The following CDK15 variants were observed in gnomAD, a reference collection of about 807,000 sequenced individuals.
CDK15 encodes cyclin-dependent kinase 15.
A neutral mutation model predicts 60.3 loss-of-function variants in CDK15; 62 were observed. The observed-to-expected ratio is 1.03, with a 90% confidence interval of 0.84 to 1.27. The LOEUF is 1.27. CDK15 is among the 50% of genes most tolerant of loss of function. CDK15 has a pLI of 0.00. For missense variants in CDK15, 541 were observed against 527.8 expected (o/e 1.03, Z -0.25); for synonymous variants, 194 against 195.7 (o/e 0.99, Z 0.07).
At chr2:201,871,321 A>AGTT (rs1243570717) in intron 10 of CDK15, among the ~76,000 whole-genome samples, 1 of 151,990 alleles carries the variant, frequency 6.6e-6, no homozygotes, top group African/African-American at 2.4e-5. Flanking sequence ...CACCAGGCTC[A>AGTT]GTTGTTGTTG....
rs560036571 is a variant in CDK15 at position 201,858,914 on chromosome 2, G to T, written c.1009+3977G>T. On this transcript the variant is annotated intron_variant, in intron 10 of 13. Transcript: ENST00000652192. The stretch of plus-strand genomic sequence containing the variant: ...TGACCCCCCAAAACGCTCCTCCTTT[G>T]ACTCAGCCGCCAGAACACTCACCCT... Among the ~76,000 whole-genome samples the T allele has an allele frequency of 1.6e-3, 244 of 152,238 alleles. 1 individual carries two copies. The highest frequency in any genetic ancestry group is 3.5e-3 in the Admixed American group (54 of 15,290).
At chr2:201,884,744 G>A (rs1422804276) in intron 12 of CDK15, among the ~76,000 whole-genome samples, 3 of 152,148 alleles carry the variant, frequency 2.0e-5, no homozygotes, top group Non-Finnish European at 4.4e-5. Context: ...AGAATATGGA[G>A]GCAGCATAGA....
intron 12 of CDK15, among the ~76,000 whole-genome samples, chr2:201,884,535 TA>T (rs1236906800): frequency 1.3e-5 from 2 of 152,190 alleles, no homozygotes; most frequent in African/African-American, 2.4e-5. Flanking sequence ...TTTGGTTCAA[TA>T]AAATAACTTC....
intron 12 of CDK15, 31 bp from the exon 13 acceptor site, chr2:201,890,754 T>C (rs1169492121): frequency 1.3e-6 from 2 of 1,507,886 alleles, no homozygotes; most frequent in Non-Finnish European, 1.8e-6. Flanking sequence ...GGAAATAACA[T>C]ATTGGTGCTT....
intron 8 of CDK15, among the ~76,000 whole-genome samples, chr2:201,843,681 C>A (rs753442238): frequency 7.9e-5 from 12 of 151,928 alleles, no homozygotes; most frequent in African/African-American, 1.2e-4. Flanking sequence ...AAATGAGTAA[C>A]CTTAGACTTA....
chr2:201,861,256 C>T (rs1354936281), intron 10 of CDK15: 3 of 1,005,808 alleles, frequency 3.0e-6, no homozygotes, highest in Non-Finnish European at 3.6e-6. Flanking sequence ...ACAGAACATA[C>T]ACAATTGCTA....
chr2:201,854,237 A>G (rs549056619), intron 9 of CDK15, among the ~76,000 whole-genome samples: 61 of 152,290 alleles, frequency 4.0e-4, no homozygotes, highest in Non-Finnish European at 7.8e-4. Context: ...TGTTGTTCCC[A>G]TGACAATCCA....
At chr2:201,822,766 T>C (rs747266276) in intron 4 of CDK15, 43 bp from the exon 5 acceptor site, 2 of 1,170,488 alleles carry the variant, frequency 1.7e-6, no homozygotes, top group Non-Finnish European at 2.6e-6. Flanking sequence ...AGCAGCACTT[T>C]CATTATCAAT....
At chr2:201,838,681 A>G (rs1244438790) in intron 8 of CDK15, among the ~76,000 whole-genome samples, 1 of 152,100 alleles carries the variant, frequency 6.6e-6, no homozygotes, top group African/African-American at 2.4e-5. Flanking sequence ...TGCTGGGATT[A>G]CAGGTATAAG....
At chr2:201,863,461 G>C (rs915358985) in intron 10 of CDK15, among the ~76,000 whole-genome samples, 5 of 152,018 alleles carry the variant, frequency 3.3e-5, no homozygotes, top group Non-Finnish European at 7.4e-5. Flanking sequence ...AATAAAAGAG[G>C]CCTGCCTCAA....
chr2:201,835,317 G>A (rs1371105896), intron 7 of CDK15, among the ~76,000 whole-genome samples: 4 of 152,236 alleles, frequency 2.6e-5, no homozygotes, highest in South Asian at 4.1e-4. Context: ...AGAGGAGGGA[G>A]AAAAGGGAAG....
intron 10 of CDK15, among the ~76,000 whole-genome samples, chr2:201,858,326 C>T (rs566262319): frequency 2.0e-5 from 3 of 152,056 alleles, no homozygotes; most frequent in East Asian, 3.9e-4. Context: ...ATTTTGGAAA[C>T]TTGCTTTTCC....
At position 201,880,025 on chromosome 2, in the gene CDK15, C is replaced by T; in HGVS notation, c.1059-3C>T. The T allele has an allele frequency of 6.2e-7, 1 of 1,613,256 alleles. No homozygotes were observed. Among genetic ancestry groups the T allele is most frequent in the Non-Finnish European group, 8.5e-7 (1 of 1,179,672 alleles). On this transcript the variant is annotated splice_region_variant and splice_polypyrimidine_tract_variant and intron_variant, in intron 11 of 13. Coordinates refer to ENST00000652192, the MANE Select transcript of CDK15 (RefSeq NM_001366386.2). ...ACTCTATTTTTCTCTCCCACTTTTCCAGGCTGGGCAGGGTTCCTGAAGCTG... is the reference window on the plus strand; with the variant it reads ...ACTCTATTTTTCTCTCCCACTTTTCTAGGCTGGGCAGGGTTCCTGAAGCTG...
intron 6 of CDK15, chr2:201,824,957 T>C: frequency 4.5e-6 from 1 of 223,300 alleles, no homozygotes; most frequent in Non-Finnish European, 8.0e-6. Flanking sequence ...GAAAGAAAGC[T>C]CCCATTCAAA....
chr2:201,806,582 TG>T lies in CDK15; in HGVS notation c.-81del. ...ATGAAAGCTCCACGCTGCTGACCTC[TG>T]GCAAAAAGGGAGAGAACAAGGATAG... On this transcript the variant is annotated 5_prime_UTR_variant, in exon 1 of 14. Transcript: ENST00000652192. 1 of 1,445,344 alleles carries T rather than the reference TG, an allele frequency of 6.9e-7. No individual in the cohort carries two copies. The highest frequency in any genetic ancestry group is 9.2e-7 in the Non-Finnish European group (1 of 1,088,616). The allele number at this position is 1,445,344 out of a possible 1,614,324, so 89.5% of individuals were successfully genotyped here.
chr2:201,840,980 A>C (rs1697351457), intron 8 of CDK15, among the ~76,000 whole-genome samples: 1 of 152,072 alleles, frequency 6.6e-6, no homozygotes, highest in African/African-American at 2.4e-5. Context: ...CTCTCTGTAG[A>C]GCTCCAATGA....
intron 4 of CDK15, among the ~76,000 whole-genome samples, chr2:201,817,633 T>C (rs1696051560): frequency 6.6e-6 from 1 of 152,106 alleles, no homozygotes; most frequent in African/African-American, 2.4e-5. Flanking sequence ...AAAAATAGGC[T>C]AAGGAGCCTC....
intron 6 of CDK15, 125 bp from the exon 7 acceptor site, chr2:201,833,713 CTTCTTTTTTT>C: frequency 4.4e-6 from 2 of 449,918 alleles, no homozygotes; most frequent in East Asian, 5.0e-5. Flanking sequence ...TCTTCTTCTT[CTTCTTTTTTT>C]TTTTTTTTTT....
At chr2:201,868,627 A>G (rs940140757) in intron 10 of CDK15, among the ~76,000 whole-genome samples, 2 of 152,084 alleles carry the variant, frequency 1.3e-5, no homozygotes, top group Admixed American at 1.3e-4. Context: ...AATTTTTGCA[A>G]TCTACTCATC....
Sources: gnomAD v4.1 joint callset for allele counts (sites outside exome capture counted in the v4.1 genomes callset) on GRCh38, gnomAD v4.1.1 for gene constraint, MANE v1.5 for transcripts, NCBI Gene and HGNC (gene_info 2026-07-23, HGNC 2026-07-21) for gene names.